Variants in SNX29 observed in about 807,000 individuals in gnomAD.
SNX29 encodes the protein sorting nexin 29.
SNX29 carries 78 observed loss-of-function variants against 102.1 expected under a neutral mutation model. The observed-to-expected ratio is 0.76, with a 90% confidence interval of 0.64 to 0.92. The LOEUF is 0.92. SNX29 is among the 40% of genes least tolerant of loss of function. The pLI is 0.00. For missense variants in SNX29, 1,280 were observed against 1,061.7 expected (o/e 1.21, Z -2.86); for synonymous variants, 580 against 414.5 (o/e 1.40, Z -4.85).
chr16:12,060,494 C>T (rs943035002), intron 8 of SNX29, among the ~76,000 whole-genome samples: 17 of 152,116 alleles, frequency 1.1e-4, no homozygotes, highest in African/African-American at 1.7e-4. Context: ...CCAAACTCCT[C>T]GGGATGCTGA....
chr16:12,135,667 G>T (rs2054633894), intron 13 of SNX29: 1 of 1,267,096 alleles, frequency 7.9e-7, no homozygotes, highest in South Asian at 1.3e-5. Flanking sequence ...CCTGGATCCA[G>T]TCTTTCCTGA....
intron 13 of SNX29, among the ~76,000 whole-genome samples, chr16:12,155,628 A>C (rs928286659): frequency 1.3e-5 from 2 of 152,210 alleles, no homozygotes; most frequent in Non-Finnish European, 2.9e-5. Flanking sequence ...TCTTGAGGGC[A>C]GACTGTGGAG....
At chr16:12,520,494 T>A (rs1411834482) in intron 19 of SNX29, among the ~76,000 whole-genome samples, 2 of 152,182 alleles carry the variant, frequency 1.3e-5, no homozygotes, top group Non-Finnish European at 2.9e-5. Flanking sequence ...GTGACCAGCC[T>A]TGGCTGTGCT....
At chr16:12,356,638 G>T (rs1340738616) in intron 16 of SNX29, among the ~76,000 whole-genome samples, 3 of 152,182 alleles carry the variant, frequency 2.0e-5, no homozygotes, top group Non-Finnish European at 2.9e-5. Flanking sequence ...TGGTATTACT[G>T]TTGTATGTAT....
At chr16:12,152,224 A>G (rs1238940932) in intron 13 of SNX29, among the ~76,000 whole-genome samples, 1 of 152,168 alleles carries the variant, frequency 6.6e-6, no homozygotes, top group Non-Finnish European at 1.5e-5. Flanking sequence ...CTATCTTAAA[A>G]AAAAAATGCA....
At chr16:12,409,413 T>A (rs2084302284) in intron 18 of SNX29, among the ~76,000 whole-genome samples, 1 of 148,422 alleles carries the variant, frequency 6.7e-6, no homozygotes, top group African/African-American at 2.5e-5. Context: ...GGGTTTGAGA[T>A]TCACTGTCTT....
intron 20 of SNX29, among the ~76,000 whole-genome samples, chr16:12,539,082 T>C (rs915909498): frequency 2.2e-4 from 34 of 152,312 alleles, no homozygotes; most frequent in African/African-American, 7.9e-4. Flanking sequence ...CCAAGTTTAA[T>C]AGATTGCCCA....
intron 18 of SNX29, among the ~76,000 whole-genome samples, chr16:12,404,492 C>A (rs1256130978): frequency 1.3e-5 from 2 of 152,120 alleles, no homozygotes; most frequent in Admixed American, 1.3e-4. Context: ...CAGTGCTGAG[C>A]CCCAGCTGCT....
intron 20 of SNX29, among the ~76,000 whole-genome samples, chr16:12,536,582 C>G (rs1445111749): frequency 2.0e-5 from 3 of 152,140 alleles, no homozygotes; most frequent in Non-Finnish European, 4.4e-5. Context: ...AGAGTTCACA[C>G]CTAGCACAGA....
chr16:12,038,952 G>A (rs2057553544), intron 4 of SNX29, among the ~76,000 whole-genome samples: 4 of 152,212 alleles, frequency 2.6e-5, no homozygotes, highest in Admixed American at 2.6e-4. Flanking sequence ...TTGTACAGTT[G>A]TGTGGAGTAG....
chr16:12,328,734 G>A (rs1214453556), intron 15 of SNX29, among the ~76,000 whole-genome samples: 1 of 152,112 alleles, frequency 6.6e-6, no homozygotes, highest in Admixed American at 6.5e-5. Context: ...ATTTTCATCT[G>A]TGTATCTCTC....
At chr16:12,190,685 C>T (rs2076620017) in intron 13 of SNX29, among the ~76,000 whole-genome samples, 1 of 152,114 alleles carries the variant, frequency 6.6e-6, no homozygotes, top group African/African-American at 2.4e-5. Flanking sequence ...CTGTGATTGG[C>T]CAAATCCCAG....
chr16:12,563,931 G>A (rs8055170), intron 20 of SNX29, among the ~76,000 whole-genome samples: 9 of 152,088 alleles, frequency 5.9e-5, no homozygotes, highest in African/African-American at 1.9e-4. Flanking sequence ...ACAATACCTA[G>A]ACGCTGATCT....
rs575713429 is a variant in SNX29 at position 12,468,763 on chromosome 16, C to T, written c.2038-8956C>T. Among the ~76,000 whole-genome samples the T allele has an allele frequency of 8.5e-5, 13 of 152,314 alleles. No individual in the cohort carries two copies. The South Asian group carries it at 2.7e-3, about 32-fold the overall frequency. On this transcript the variant is annotated intron_variant, in intron 18 of 20. Transcript: ENST00000566228. Reference sequence around the variant, plus strand: ...CTGAGGAGGGAACACGCAGTTCTGCCTGGGGGACAGCGGGGTTTGGGAAAA... The same window carrying T: ...CTGAGGAGGGAACACGCAGTTCTGCTTGGGGGACAGCGGGGTTTGGGAAAA...
At chr16:12,560,326 T>TGGGTTTACCGAAGGG (rs2078651551) in intron 20 of SNX29, among the ~76,000 whole-genome samples, 1 of 152,138 alleles carries the variant, frequency 6.6e-6, no homozygotes, top group Admixed American at 6.5e-5. Context: ...AAAATAATGC[T>TGGGTTTACCGAAGGG]GGGTTTACCG....
At chr16:12,535,029 G>A (rs1009373366) in intron 20 of SNX29, among the ~76,000 whole-genome samples, 1 of 152,086 alleles carries the variant, frequency 6.6e-6, no homozygotes, top group Admixed American at 6.5e-5. Flanking sequence ...TGGCTCGTTG[G>A]GTCTTATAAA....
At chr16:12,079,097 C>T (rs370015885) in intron 11 of SNX29, among the ~76,000 whole-genome samples, 182 bp downstream of exon 11, 16 of 152,198 alleles carry the variant, frequency 1.1e-4, no homozygotes, top group Non-Finnish European at 1.8e-4. Context: ...TAATGCGTGG[C>T]GCTTGGGCGT....
chr16:12,138,131 A>C (rs946446756), intron 13 of SNX29, among the ~76,000 whole-genome samples: 3 of 152,078 alleles, frequency 2.0e-5, no homozygotes, highest in African/African-American at 7.2e-5. Flanking sequence ...GAGTCTTGGA[A>C]ACTGCTTGAG....
chr16:12,190,179 A>G (rs1048389775), intron 13 of SNX29, among the ~76,000 whole-genome samples: 2 of 152,114 alleles, frequency 1.3e-5, no homozygotes, highest in African/African-American at 4.8e-5. Context: ...CTCTGACCAC[A>G]TCTGGAAGGA....
Sources: allele counts gnomAD v4.1 joint callset (sites outside exome capture counted in the v4.1 genomes callset), GRCh38; gene constraint gnomAD v4.1.1; transcripts MANE v1.5; gene names NCBI Gene and HGNC (gene_info 2026-07-23, HGNC 2026-07-21).